The following KIF1A variants were observed in gnomAD, a reference collection of about 807,000 sequenced individuals.
KIF1A encodes kinesin-like protein KIF1A.
A neutral mutation model predicts 227.3 loss-of-function variants in KIF1A; 46 were observed. The observed-to-expected ratio is 0.20, with a 90% CI of 0.16 to 0.26. The LOEUF (loss-of-function observed/expected upper bound fraction) is 0.26, where lower values mean the gene tolerates loss of function less well. Ranked by LOEUF, KIF1A falls within the 10% of genes least tolerant of loss-of-function variation. KIF1A has a pLI of 1.00. For synonymous variants in KIF1A, 1,022 were observed against 1,012.8 expected, an observed-to-expected ratio of 1.01 and a Z score of -0.17; for missense variants, 1,683 against 2,485.9, an observed-to-expected ratio of 0.68 and a Z score of 6.87.
chr2:240,779,422 G>GTCCTCACTCACTTCCTCACTCAGC (rs1559520946), intron 10 of KIF1A, among the ~76,000 whole-genome samples: 1 of 93,054 alleles, frequency 1.1e-5, no homozygotes, highest in African/African-American at 4.4e-5. Context: ...CCACACTCAG[G>GTCCTCACTCACTTCCTCACTCAGC]TCCTCACTCA....
intron 37 of KIF1A, among the ~76,000 whole-genome samples, chr2:240,738,715 A>C (rs1200351476): frequency 6.6e-6 from 1 of 151,948 alleles, no homozygotes; most frequent in Non-Finnish European, 1.5e-5. Context: ...ATAAACAGAC[A>C]CTCCTGTTGG....
In KIF1A at chr2:240,773,111, C is replaced by T. The variant is rs201966080; in HGVS notation, c.1180+3G>A. The T allele has an allele frequency of 2.7e-5, 43 of 1,610,360 alleles. No homozygotes were observed. In the East Asian group the frequency reaches 9.6e-4, roughly 36 times the overall value. On this transcript the variant is annotated splice_donor_region_variant and intron_variant, in intron 13 of 48. Transcript: ENST00000498729. ...TCCAGGACAGGCTGGAGCAGGCACTCACTGTCAGTGATGTCGCCAAGACCC... is the reference window on the plus strand; with the variant it reads ...TCCAGGACAGGCTGGAGCAGGCACTTACTGTCAGTGATGTCGCCAAGACCC...
At chr2:240,768,506 G>A (rs1368722394) in intron 17 of KIF1A, among the ~76,000 whole-genome samples, 1 of 152,218 alleles carries the variant, frequency 6.6e-6, no homozygotes, top group Non-Finnish European at 1.5e-5. Flanking sequence ...GGGTGTGTGG[G>A]GGTTGGGGAC....
At position 240,785,185 on chromosome 2, in the gene KIF1A, G is replaced by A. The variant is rs764645606; in HGVS notation, c.609-85C>T. ...CGGTGGTGCCAGCCCTCTGAACCAG[G>A]TCATCGGGGGGGGCAGTTCCCCCAG... On this transcript the variant is annotated intron_variant, in intron 6 of 48. Coordinates refer to ENST00000498729, the MANE Select transcript of KIF1A (RefSeq NM_001244008.2). 1.3e-4 allele frequency: 140 copies of A among 1,107,796 alleles called. No homozygotes were observed. The Middle Eastern group carries it at 2.0e-3, about 16-fold the overall frequency. The allele number at this position is 1,107,796 out of a possible 1,614,324, so 68.6% of individuals were successfully genotyped here.
At chr2:240,800,111 C>CACACAT (rs898562667) in intron 1 of KIF1A, among the ~76,000 whole-genome samples, 9 of 144,442 alleles carry the variant, frequency 6.2e-5, no homozygotes, top group Admixed American at 2.0e-4. Flanking sequence ...AGCAGACACA[C>CACACAT]ACACACACAC....
At chr2:240,759,402 C>T (rs1047176168) in intron 25 of KIF1A, among the ~76,000 whole-genome samples, 2 of 152,110 alleles carry the variant, frequency 1.3e-5, no homozygotes, top group African/African-American at 2.4e-5. Context: ...ACACACCAGG[C>T]CAATATTCCC....
At chr2:240,776,408 C>T (rs185901131) in intron 10 of KIF1A, among the ~76,000 whole-genome samples, 191 of 152,360 alleles carry the variant, frequency 1.3e-3, no homozygotes, top group African/African-American at 4.3e-3. Context: ...TAAATCTCCC[C>T]TTCACCCAGA....
chr2:240,786,555 GGA>G, intron 5 of KIF1A, 42 bp from the exon 6 acceptor site: 2 of 1,589,366 alleles, frequency 1.3e-6, no homozygotes, highest in Non-Finnish European at 8.6e-7. Flanking sequence ...CTGAGGCGAG[GGA>G]GTGGGGCTGC....
upstream of KIF1A, among the ~76,000 whole-genome samples, chr2:240,820,945 C>T (rs973486277): frequency 7.2e-5 from 11 of 152,116 alleles, no homozygotes; most frequent in Non-Finnish European, 1.3e-4. This position sits in a 1 kb window ranked among gnomAD's most constrained non-coding sequence, Gnocchi z 6.2. Flanking sequence ...CTTCCTTGGA[C>T]CCCCAAGTCA....
chr2:240,740,137 G>A lies in KIF1A; in HGVS notation c.3822C>T (p.Ile1274=). The change falls in exon 37 of 49, where the codon ATC becomes ATT. Residue 1274 remains isoleucine (I), a synonymous_variant. Transcript: ENST00000498729. This position sits in a 1 kb window ranked among gnomAD's most constrained non-coding sequence, Gnocchi z 6.1. ...CMGTFLLHQG[I]QRRITVTLLH... is the part of the protein sequence containing the mutation. ...GTAGTGTCACCGTAATCCGTCGCTG[G>A]ATGCCCTGCCGGTGCCAGGTGAGAG... is the stretch of plus-strand genomic sequence containing the variant. The A allele has an allele frequency of 6.3e-7, 1 of 1,590,346 alleles. No homozygotes were observed. Among genetic ancestry groups the A allele is most frequent in the Non-Finnish European group, 8.6e-7 (1 of 1,168,728 alleles).
chr2:240,727,148 G>A (rs928270734), intron 38 of KIF1A, among the ~76,000 whole-genome samples: 2 of 152,226 alleles, frequency 1.3e-5, no homozygotes, highest in Non-Finnish European at 2.9e-5. Flanking sequence ...TGGACGCCCC[G>A]ATGAGGGTGA....
Position 240,788,041 on chromosome 2 carries a change from C to CCCCAG in KIF1A, c.363+9_363+10insCTGGG. On this transcript the variant is annotated intron_variant, in intron 4 of 48. Coordinates refer to ENST00000498729, the MANE Select transcript of KIF1A (RefSeq NM_001244008.2). The surrounding 1 kb of genome is among the most constrained non-coding windows in gnomAD (Gnocchi z 6.6). ...GCCAGGGCTGCCCCCGCCCGCCCCC[C>CCCCAG]GCTTCGTGCCTGTGGGATGATGCCC... 6.6e-7 allele frequency: 1 copy of CCCCAG among 1,520,670 alleles called. No individual in the cohort carries two copies. The highest frequency in any genetic ancestry group is 8.9e-7 in the Non-Finnish European group (1 of 1,121,308). The allele number at this position is 1,520,670 out of a possible 1,614,324, so 94.2% of individuals were successfully genotyped here.
intron 7 of KIF1A, among the ~76,000 whole-genome samples, chr2:240,784,414 G>A (rs527611117): frequency 6.3e-4 from 96 of 152,288 alleles, no homozygotes; most frequent in Non-Finnish European, 9.3e-4. Flanking sequence ...GCAGGCAGCC[G>A]CGCCGACCTC....
chr2:240,722,985 A>G (rs2045588163), intron 42 of KIF1A, among the ~76,000 whole-genome samples: 1 of 152,080 alleles, frequency 6.6e-6, no homozygotes, highest in South Asian at 2.1e-4. Context: ...GAGAGGGCCG[A>G]GGGGTGGGCA....
chr2:240,770,847 G>T, intron 15 of KIF1A, 124 bp downstream of exon 15: 1 of 1,228,960 alleles, frequency 8.1e-7, no homozygotes, highest in Non-Finnish European at 1.1e-6. Flanking sequence ...AGAGGCTCCT[G>T]CTGATGCTCC....
rs2054183100 is a variant in KIF1A at position 240,782,448 on chromosome 2, T to G, written c.882+142A>C. ...ACGGGGCCTCCCACACCCGCTTTCT[T>G]CCTTCCCGGGATCCACCCCCACGTC... On this transcript the variant is annotated intron_variant, in intron 10 of 48. Coordinates refer to ENST00000498729, the MANE Select transcript of KIF1A (RefSeq NM_001244008.2). 4 of 1,029,568 alleles carry G rather than the reference T, an allele frequency of 3.9e-6. 1 individual carries two copies. Among genetic ancestry groups the G allele is most frequent in the Middle Eastern group, 6.1e-4 (2 of 3,296 alleles). The allele number at this position is 1,029,568 out of a possible 1,614,324, so 63.8% of individuals were successfully genotyped here. A position where few individuals can be genotyped will look rare whatever the true frequency, so the allele number is the denominator to read the frequency against.
chr2:240,784,757 G>T (rs986851159), intron 7 of KIF1A, among the ~76,000 whole-genome samples: 8 of 152,134 alleles, frequency 5.3e-5, no homozygotes, highest in African/African-American at 1.9e-4. Context: ...AGCCCCAGAA[G>T]ATGGCCCCCT....
intron 1 of KIF1A, among the ~76,000 whole-genome samples, chr2:240,809,014 G>C (rs2057658871): frequency 6.6e-6 from 1 of 152,232 alleles, no homozygotes; most frequent in South Asian, 2.1e-4. Flanking sequence ...AGAGGCATAA[G>C]CCACCACGCC....
At chr2:240,721,944 C>T (rs551672626) in intron 43 of KIF1A, 60 bp from the exon 44 acceptor site, 2 of 1,403,784 alleles carry the variant, frequency 1.4e-6, no homozygotes, top group East Asian at 2.4e-5. Context: ...GCTCAGACAG[C>T]CTTGCAGGCT....
Sources: gnomAD v4.1 joint callset for allele counts (sites outside exome capture counted in the v4.1 genomes callset) on GRCh38, gnomAD v4.1.1 for gene constraint, Gnocchi (gnomAD v3.1) non-coding constraint, MANE v1.5 for transcripts, NCBI Gene and HGNC (gene_info 2026-07-23, HGNC 2026-07-21) for gene names.